THSD7A: variants seen among roughly 807,000 people sequenced by gnomAD.
The protein encoded by THSD7A is thrombospondin type 1 domain containing 7A.
THSD7A carries 96 observed loss-of-function variants against 231.3 expected under a neutral mutation model. The ratio of observed to expected loss-of-function variants is 0.41; its 90% CI spans 0.35 to 0.49. THSD7A has a LOEUF of 0.49. Ranked by LOEUF, THSD7A falls within the 20% of genes least tolerant of loss-of-function variation. The probability of loss-of-function intolerance (pLI) is 0.05; values close to 1 mark genes in which losing one functional copy is unlikely to be tolerated. For synonymous variants in THSD7A, 940 were observed against 743.3 expected (o/e 1.26, Z -4.30); for missense variants, 2,290 against 2,070.2 (o/e 1.11, Z -2.06).
intron 6 of THSD7A, among the ~76,000 whole-genome samples, chr7:11,500,860 G>A (rs1435549568): frequency 6.6e-6 from 1 of 151,708 alleles, no homozygotes; most frequent in Non-Finnish European, 1.5e-5. Flanking sequence ...GCTTGAATCT[G>A]GGAGGCAAAG....
chr7:11,577,778 A>C (rs1324746199), intron 4 of THSD7A, among the ~76,000 whole-genome samples: 1 of 151,948 alleles, frequency 6.6e-6, no homozygotes, highest in Non-Finnish European at 1.5e-5. Context: ...TCCAAGTTTG[A>C]GCAATGGTGA....
At chr7:11,524,094 TG>T (rs1788377198) in intron 6 of THSD7A, among the ~76,000 whole-genome samples, 5 of 152,168 alleles carry the variant, frequency 3.3e-5, no homozygotes, top group Admixed American at 3.3e-4. Flanking sequence ...AAAGATATAT[TG>T]TCCCATCAAT....
At chr7:11,623,904 A>AAAATGACC in intron 2 of THSD7A, among the ~76,000 whole-genome samples, 1 of 152,178 alleles carries the variant, frequency 6.6e-6, no homozygotes, top group African/African-American at 2.4e-5. Flanking sequence ...GACTCCAAAT[A>AAAATGACC]AAATGACCAA....
chr7:11,720,613 C>G (rs1781317865), intron 1 of THSD7A, among the ~76,000 whole-genome samples: 1 of 151,702 alleles, frequency 6.6e-6, no homozygotes, highest in Non-Finnish European at 1.5e-5. Flanking sequence ...TCCAAAGTTG[C>G]TTTTTTCATT....
At chr7:11,765,672 C>G (rs541113121) in intron 1 of THSD7A, among the ~76,000 whole-genome samples, 1 of 152,104 alleles carries the variant, frequency 6.6e-6, no homozygotes, top group South Asian at 2.1e-4. Context: ...ATGCATTTCC[C>G]CTGCTTGGAT....
intron 1 of THSD7A, among the ~76,000 whole-genome samples, chr7:11,678,027 C>A (rs964015147): frequency 2.6e-5 from 4 of 152,104 alleles, no homozygotes; most frequent in Non-Finnish European, 5.9e-5. Flanking sequence ...AATTAGAACT[C>A]AGGGTAAGAA....
chr7:11,603,950 G>A (rs1780646287), intron 2 of THSD7A, among the ~76,000 whole-genome samples: 1 of 151,400 alleles, frequency 6.6e-6, no homozygotes. Context: ...AGTGGGTGCA[G>A]TGCACCAGCA....
chr7:11,400,435 A>C (rs921525451), intron 23 of THSD7A, among the ~76,000 whole-genome samples: 1 of 152,160 alleles, frequency 6.6e-6, no homozygotes, highest in African/African-American at 2.4e-5. Context: ...ATCCCATATA[A>C]CATTTGCTGG....
chr7:11,556,106 C>T (rs1418283363), intron 4 of THSD7A, among the ~76,000 whole-genome samples: 2 of 151,426 alleles, frequency 1.3e-5, no homozygotes, highest in African/African-American at 4.8e-5. Context: ...TGGACTAAGT[C>T]TTCTATTTAT....
At chr7:11,667,015 G>GTT (rs1343353348) in intron 1 of THSD7A, among the ~76,000 whole-genome samples, 1 of 152,002 alleles carries the variant, frequency 6.6e-6, no homozygotes, top group Non-Finnish European at 1.5e-5. Context: ...ATTTGTTTAG[G>GTT]TTTATTCACT....
intron 13 of THSD7A, among the ~76,000 whole-genome samples, chr7:11,434,204 T>G (rs1050836080): frequency 2.6e-5 from 4 of 152,098 alleles, no homozygotes; most frequent in Admixed American, 1.3e-4. Flanking sequence ...AATAAACTGC[T>G]GGCATCTTAT....
chr7:11,469,133 A>C (rs1562634248), intron 9 of THSD7A, among the ~76,000 whole-genome samples: 1 of 152,176 alleles, frequency 6.6e-6, no homozygotes, highest in Non-Finnish European at 1.5e-5. Context: ...CAGGAAATTT[A>C]GAAAAAATTA....
At chr7:11,532,243 C>G (rs1361869011) in intron 6 of THSD7A, among the ~76,000 whole-genome samples, 9 of 152,090 alleles carry the variant, frequency 5.9e-5, no homozygotes, top group Admixed American at 5.9e-4. Context: ...TCAGTGAGAC[C>G]AGGCAAAGCC....
chr7:11,659,404 A>C (rs1037407297), intron 1 of THSD7A, among the ~76,000 whole-genome samples: 1 of 151,596 alleles, frequency 6.6e-6, no homozygotes, highest in Non-Finnish European at 1.5e-5. Flanking sequence ...TCTTGTTAGC[A>C]TGACCTATAA....
intron 1 of THSD7A, among the ~76,000 whole-genome samples, chr7:11,726,266 T>C (rs1781541762): frequency 6.6e-6 from 1 of 151,978 alleles, no homozygotes; most frequent in Admixed American, 6.6e-5. Flanking sequence ...TTTATATTTC[T>C]AATAGAAAAT....
intron 1 of THSD7A, among the ~76,000 whole-genome samples, chr7:11,661,509 A>AAG (rs1782927650): frequency 6.6e-6 from 1 of 151,188 alleles, no homozygotes; most frequent in African/African-American, 2.4e-5. Context: ...ATGCAAAATC[A>AAG]GTTTTTATGC....
chr7:11,675,820 G>T (rs1783617503), intron 1 of THSD7A, among the ~76,000 whole-genome samples: 1 of 152,192 alleles, frequency 6.6e-6, no homozygotes, highest in Non-Finnish European at 1.5e-5. Flanking sequence ...CTGAGGTAAG[G>T]GGCGGCTGTG....
At chr7:11,649,931 C>T (rs1167314213) in intron 1 of THSD7A, among the ~76,000 whole-genome samples, 1 of 152,000 alleles carries the variant, frequency 6.6e-6, no homozygotes, top group East Asian at 1.9e-4. Context: ...AATGTCAAGA[C>T]AATCAAGATC....
intron 1 of THSD7A, among the ~76,000 whole-genome samples, chr7:11,796,083 T>C (rs1166278136): frequency 7.1e-6 from 1 of 140,540 alleles, no homozygotes; most frequent in Non-Finnish European, 1.5e-5. Context: ...TATATTTGGA[T>C]CAGTAATGAT....
Sources: allele counts gnomAD v4.1 joint callset (sites outside exome capture counted in the v4.1 genomes callset), GRCh38; gene constraint gnomAD v4.1.1; transcripts MANE v1.5; gene names NCBI Gene and HGNC (gene_info 2026-07-23, HGNC 2026-07-21).